The following CHD2 variants were observed in gnomAD, a reference collection of about 807,000 sequenced individuals.
CHD2 encodes ATP-dependent chromatin remodeler CHD2.
Under a neutral mutation model 243.9 loss-of-function variants are expected in CHD2, and 28 were observed. That is an observed-to-expected ratio of 0.11 (90% confidence interval 0.09 to 0.16). The LOEUF is 0.16. Ranked by LOEUF, CHD2 falls within the 10% of genes least tolerant of loss-of-function variation. The probability of loss-of-function intolerance (pLI) is 1.00; values close to 1 mark genes in which losing one functional copy is unlikely to be tolerated. For missense variants in CHD2, 1,386 were observed against 2,209.8 expected (o/e 0.63, Z 7.47); for synonymous variants, 775 against 779.0 (o/e 0.99, Z 0.09).
chr15:92,917,869 G>C (rs1461323847), intron 2 of CHD2, among the ~76,000 whole-genome samples: 1 of 152,176 alleles, frequency 6.6e-6, no homozygotes, highest in African/African-American at 2.4e-5. Context: ...TGACACAAAA[G>C]TGCTCCGTAA....
chr15:92,962,553 A>T (rs2053704505), intron 16 of CHD2, among the ~76,000 whole-genome samples: 1 of 152,180 alleles, frequency 6.6e-6, no homozygotes, highest in Non-Finnish European at 1.5e-5. Flanking sequence ...CTTATTAAAT[A>T]GTCTTAGTAT....
intron 7 of CHD2, among the ~76,000 whole-genome samples, chr15:92,940,268 A>G (rs993493224): frequency 6.6e-6 from 1 of 152,150 alleles, no homozygotes; most frequent in Admixed American, 6.5e-5. Context: ...AGCCTAGACA[A>G]CAGGGCGAGA....
At chr15:92,944,234 GTTTT>G (rs901276994) in intron 9 of CHD2, 177 bp from the exon 10 acceptor site, 1 of 449,392 alleles carries the variant, frequency 2.2e-6, no homozygotes, top group Non-Finnish European at 4.1e-6. Context: ...CTCTAAAAGT[GTTTT>G]TTTTGTTTGT....
chr15:92,963,209 A>G (rs934200685), intron 16 of CHD2, among the ~76,000 whole-genome samples: 1 of 152,096 alleles, frequency 6.6e-6, no homozygotes, highest in Non-Finnish European at 1.5e-5. Flanking sequence ...TATTTCTGCT[A>G]TTTTACTATT....
At chr15:92,963,834 C>T (rs1279768397) in intron 16 of CHD2, among the ~76,000 whole-genome samples, 2 of 152,114 alleles carry the variant, frequency 1.3e-5, no homozygotes, top group Non-Finnish European at 2.9e-5. Context: ...ACCATTGAGA[C>T]GAAGTAAGGT....
At chr15:92,960,224 G>A (rs1050707138) in intron 16 of CHD2, among the ~76,000 whole-genome samples, 4 of 152,156 alleles carry the variant, frequency 2.6e-5, no homozygotes, top group African/African-American at 7.2e-5. Flanking sequence ...TCTACTGTGT[G>A]TGTATGTGTG....
At chr15:92,992,449 T>C (rs1481005229) in intron 27 of CHD2, among the ~76,000 whole-genome samples, 1 of 152,206 alleles carries the variant, frequency 6.6e-6, no homozygotes, top group Non-Finnish European at 1.5e-5. Context: ...GAAGTAGCTA[T>C]ACTCTGCTTC....
intron 26 of CHD2, among the ~76,000 whole-genome samples, chr15:92,988,177 G>C (rs1056616025): frequency 4.0e-5 from 6 of 151,794 alleles, no homozygotes; most frequent in Non-Finnish European, 8.8e-5. Flanking sequence ...CCACTTCCCA[G>C]GTTCAAGTGA....
intron 34 of CHD2, among the ~76,000 whole-genome samples, chr15:93,006,741 C>G (rs2054327353): frequency 6.6e-6 from 1 of 152,164 alleles, no homozygotes. Flanking sequence ...TAACCATTGT[C>G]CTACGTAGCC....
intron 6 of CHD2, among the ~76,000 whole-genome samples, chr15:92,939,136 T>C (rs2053316306): frequency 1.3e-5 from 2 of 152,182 alleles, no homozygotes; most frequent in African/African-American, 2.4e-5. Flanking sequence ...TTGCAAATAA[T>C]GCTATAGTGA....
At chr15:92,971,675 C>T in intron 17 of CHD2, 90 bp from the exon 18 acceptor site, 1 of 1,149,486 alleles carries the variant, frequency 8.7e-7, no homozygotes, top group Non-Finnish European at 1.2e-6. Context: ...TTTTTCTCCA[C>T]AATACTACTA....
intron 38 of CHD2, 24 bp from the exon 39 acceptor site, chr15:93,024,348 C>T (rs2054568233): frequency 1.9e-6 from 3 of 1,597,730 alleles, no homozygotes; most frequent in Admixed American, 1.7e-5. Flanking sequence ...AGTCTTTCGA[C>T]TAATCCTTGC....
chr15:92,931,779 T>C (rs1277593604), intron 5 of CHD2, among the ~76,000 whole-genome samples: 3 of 152,146 alleles, frequency 2.0e-5, no homozygotes, highest in South Asian at 2.1e-4. Context: ...ATATGTAAGG[T>C]GTATTTCTTA....
intron 32 of CHD2, among the ~76,000 whole-genome samples, chr15:93,000,925 A>G (rs779872219): frequency 9.2e-5 from 14 of 152,218 alleles, no homozygotes; most frequent in East Asian, 1.9e-4. Flanking sequence ...CTGGAGTGCA[A>G]TGGCACAATC....
At chr15:92,927,178 T>G in intron 3 of CHD2, 66 bp from the exon 4 acceptor site, 1 of 1,156,648 alleles carries the variant, frequency 8.6e-7, no homozygotes, top group Non-Finnish European at 1.3e-6. Flanking sequence ...TCAATTGCAA[T>G]AAACGTTTGA....
At chr15:93,019,915 C>A in intron 37 of CHD2, 97 bp from the exon 38 acceptor site, 1 of 1,427,678 alleles carries the variant, frequency 7.0e-7, no homozygotes, top group Non-Finnish European at 9.4e-7. Flanking sequence ...CCTGGGCAAA[C>A]AGAGCACGAC....
At chr15:92,940,865 T>G in intron 7 of CHD2, among the ~76,000 whole-genome samples, 1 of 124,336 alleles carries the variant, frequency 8.0e-6, no homozygotes, top group East Asian at 2.7e-4. Flanking sequence ...TATAAATATA[T>G]AAAAATATAC....
chr15:92,954,004 A>G (rs1467477529), intron 14 of CHD2: 1 of 158,568 alleles, frequency 6.3e-6, no homozygotes, highest in African/African-American at 2.4e-5. Flanking sequence ...TAAAAAAGGA[A>G]TAAAAGTAAA....
chr15:92,965,855 A>G (rs2053754825), intron 16 of CHD2, among the ~76,000 whole-genome samples: 2 of 152,102 alleles, frequency 1.3e-5, no homozygotes, highest in South Asian at 4.1e-4. Flanking sequence ...TAAACTTTAC[A>G]TTTAATTTTT....
Sources: gnomAD v4.1 joint callset for allele counts (sites outside exome capture counted in the v4.1 genomes callset) on GRCh38, gnomAD v4.1.1 for gene constraint, MANE v1.5 for transcripts, NCBI Gene and HGNC (gene_info 2026-07-23, HGNC 2026-07-21) for gene names.